The following NETO1 variants were observed in gnomAD, a reference collection of about 807,000 sequenced individuals.
NETO1 encodes the protein neuropilin and tolloid-like protein 1.
A neutral mutation model predicts 61.3 loss-of-function variants in NETO1; 26 were observed. The observed-to-expected ratio is 0.42, with a 90% CI of 0.31 to 0.59. The LOEUF is 0.59. Ranked by LOEUF, NETO1 falls within the 20% of genes least tolerant of loss-of-function variation. The pLI is 0.12. For missense variants in NETO1, 531 were observed against 662.8 expected (o/e 0.80, Z 2.18); for synonymous variants, 225 against 225.8 (o/e 1.00, Z 0.03).
In NETO1 at chr18:72,835,978, C is replaced by T. The variant is rs138891343; in HGVS notation, c.469+22848G>A. ...ATCTCTTACAGTGATAACACTGAGA[C>T]GGGGCAGCTTCTTGGCCTTGACGTA... On this transcript the variant is annotated intron_variant, in intron 4 of 10. Coordinates refer to ENST00000327305, the MANE Select transcript of NETO1 (RefSeq NM_138966.5). Among the ~76,000 whole-genome samples the T allele has an allele frequency of 5.2e-3, 790 of 152,180 alleles. 6 individuals are homozygous for T. The highest frequency in any genetic ancestry group is 7.8e-3 in the Non-Finnish European group (529 of 67,998).
intron 4 of NETO1, among the ~76,000 whole-genome samples, chr18:72,807,361 G>A (rs1052396937): frequency 6.6e-6 from 1 of 152,020 alleles, no homozygotes; most frequent in African/African-American, 2.4e-5. Flanking sequence ...AAATTTTCAA[G>A]CCCTTTAAAA....
intron 4 of NETO1, chr18:72,833,958 A>T: frequency 4.2e-6 from 1 of 237,010 alleles, no homozygotes; most frequent in Non-Finnish European, 6.9e-6. Context: ...CCACCTCTTT[A>T]ACATTCCTAT....
chr18:72,767,065 T>C (rs2071190933), intron 7 of NETO1, among the ~76,000 whole-genome samples: 1 of 152,154 alleles, frequency 6.6e-6, no homozygotes, highest in Non-Finnish European at 1.5e-5. Flanking sequence ...AGGTGGCTAG[T>C]TTAGACACAT....
intron 7 of NETO1, among the ~76,000 whole-genome samples, chr18:72,756,496 T>C (rs1455572883): frequency 2.0e-5 from 3 of 152,198 alleles, no homozygotes; most frequent in Non-Finnish European, 2.9e-5. Flanking sequence ...AAAGAATGTA[T>C]AAATTTAGTT....
chr18:72,803,736 G>A (rs2072582759), intron 4 of NETO1, among the ~76,000 whole-genome samples: 1 of 151,806 alleles, frequency 6.6e-6, no homozygotes, highest in African/African-American at 2.4e-5. Context: ...CAGGATAATT[G>A]CTTGAACCCG....
chr18:72,864,578 T>C (rs1041688836), intron 3 of NETO1, among the ~76,000 whole-genome samples: 6 of 152,244 alleles, frequency 3.9e-5, no homozygotes, highest in Non-Finnish European at 7.3e-5. Flanking sequence ...TCCTAAGTTG[T>C]TCATCTGTTT....
Position 72,801,217 on chromosome 18 carries a change from G to A in NETO1, c.470-6813C>T, listed in dbSNP as rs145254261. On this transcript the variant is annotated intron_variant, in intron 4 of 10. Coordinates refer to ENST00000327305, the MANE Select transcript of NETO1 (RefSeq NM_138966.5). The stretch of plus-strand genomic sequence containing the variant: ...TCAGCTTCATTTTATAAATGAGTAC[G>A]TGGAGTATAGACAGCATTTTCCTTG... 1.2e-3 allele frequency among the ~76,000 whole-genome samples: 176 copies of A among 152,166 alleles called. 1 individual carries two copies. Among genetic ancestry groups the A allele is most frequent in the Non-Finnish European group, 2.1e-3 (141 of 67,994 alleles).
At chr18:72,856,777 G>A (rs1223271650) in intron 4 of NETO1, among the ~76,000 whole-genome samples, 1 of 152,154 alleles carries the variant, frequency 6.6e-6, no homozygotes, top group Non-Finnish European at 1.5e-5. Context: ...TCACTGCAGA[G>A]CCCTGGCAAT....
intron 7 of NETO1, among the ~76,000 whole-genome samples, chr18:72,757,044 T>C (rs1395610553): frequency 1.3e-5 from 2 of 152,180 alleles, no homozygotes; most frequent in African/African-American, 2.4e-5. Context: ...ACTTTTGTTT[T>C]TACCTTTGTA....
At chr18:72,750,967 C>T (rs1228483843) in intron 8 of NETO1, among the ~76,000 whole-genome samples, 1 of 130,264 alleles carries the variant, frequency 7.7e-6, no homozygotes, top group Non-Finnish European at 1.6e-5. Flanking sequence ...AAAATAAATA[C>T]AAAGTCTCTT....
At chr18:72,851,422 GA>G (rs1568261591) in intron 4 of NETO1, among the ~76,000 whole-genome samples, 1 of 139,920 alleles carries the variant, frequency 7.1e-6, no homozygotes, top group Non-Finnish European at 1.5e-5. Context: ...AACAAAAAAA[GA>G]AAAAAGAAAG....
At chr18:72,814,506 TAGAA>T (rs1599056748) in intron 4 of NETO1, among the ~76,000 whole-genome samples, 1 of 151,342 alleles carries the variant, frequency 6.6e-6, no homozygotes, top group Non-Finnish European at 1.5e-5. Flanking sequence ...GAGGAACAAA[TAGAA>T]AGCATAAAAT....
Position 72,858,753 on chromosome 18 carries a change from A to G in NETO1, c.469+73T>C, listed in dbSNP as rs1486526967. ...CTCTGAGAAAGTATAATGTTGTCTTACACAAGATTTTGTACTATGAAGATA... is the reference window on the plus strand; with the variant it reads ...CTCTGAGAAAGTATAATGTTGTCTTGCACAAGATTTTGTACTATGAAGATA... On this transcript the variant is annotated intron_variant, in intron 4 of 10. Transcript: ENST00000327305. 15 of 1,386,628 alleles carry G rather than the reference A, an allele frequency of 1.1e-5. No homozygotes were observed. The Middle Eastern group carries it at 7.8e-4, about 72-fold the overall frequency. The allele number at this position is 1,386,628 out of a possible 1,614,324, so 85.9% of individuals were successfully genotyped here.
chr18:72,804,552 C>T lies in NETO1; in HGVS notation c.470-10148G>A, dbSNP rs140374035. On this transcript the variant is annotated intron_variant, in intron 4 of 10. Coordinates refer to ENST00000327305, the MANE Select transcript of NETO1 (RefSeq NM_138966.5). Reference sequence around the variant, plus strand: ...ATCTAAGACCTAAACAGCTTCAGTGCTGTCTCTAGAACATTGAACCAATCA... The same window carrying T: ...ATCTAAGACCTAAACAGCTTCAGTGTTGTCTCTAGAACATTGAACCAATCA... Among the ~76,000 whole-genome samples, 242 of 152,312 alleles carry T rather than the reference C, an allele frequency of 1.6e-3. 2 individuals carry two copies. Among genetic ancestry groups the T allele is most frequent in the African/African-American group, 5.6e-3 (234 of 41,564 alleles).
chr18:72,787,446 A>C (rs999446189), intron 6 of NETO1, among the ~76,000 whole-genome samples: 1 of 152,144 alleles, frequency 6.6e-6, no homozygotes, highest in Non-Finnish European at 1.5e-5. Flanking sequence ...ATACAAAAAA[A>C]AGCTATTAGA....
chr18:72,841,275 G>T (rs1568248693), intron 4 of NETO1, among the ~76,000 whole-genome samples: 1 of 152,154 alleles, frequency 6.6e-6, no homozygotes. Flanking sequence ...TTCTGAGATG[G>T]CAGGATGAAA....
intron 4 of NETO1, among the ~76,000 whole-genome samples, chr18:72,841,454 C>T (rs760312146): frequency 3.3e-5 from 5 of 151,832 alleles, no homozygotes; most frequent in East Asian, 1.9e-4. Context: ...CCATTTTGGC[C>T]GGGTGCGGTG....
At chr18:72,803,899 A>G (rs980330009) in intron 4 of NETO1, among the ~76,000 whole-genome samples, 2 of 151,924 alleles carry the variant, frequency 1.3e-5, no homozygotes, top group African/African-American at 2.4e-5. Flanking sequence ...CTCTTCATCT[A>G]CTTCCACCAT....
At chr18:72,860,830 A>G (rs2074549474) in intron 3 of NETO1, among the ~76,000 whole-genome samples, 1 of 152,190 alleles carries the variant, frequency 6.6e-6, no homozygotes, top group Non-Finnish European at 1.5e-5. Context: ...CAAAAAGGCA[A>G]ATCTGAAGGA....
Sources: gnomAD v4.1 joint callset for allele counts (sites outside exome capture counted in the v4.1 genomes callset) on GRCh38, gnomAD v4.1.1 for gene constraint, MANE v1.5 for transcripts, NCBI Gene and HGNC (gene_info 2026-07-23, HGNC 2026-07-21) for gene names.